DACH1: variants seen among roughly 807,000 people sequenced by gnomAD.
DACH1 encodes dachshund homolog 1.
Under a neutral mutation model 54.2 loss-of-function variants are expected in DACH1, and 12 were observed. The ratio of observed to expected loss-of-function variants is 0.22; its 90% CI spans 0.14 to 0.36. The LOEUF is 0.36. Ranked by LOEUF, DACH1 falls within the 10% of genes least tolerant of loss-of-function variation. The pLI is 1.00. For missense variants in DACH1, 805 were observed against 929.8 expected, an observed-to-expected ratio of 0.87 and a Z score of 1.75; for synonymous variants, 386 against 366.2, an observed-to-expected ratio of 1.05 and a Z score of -0.62.
At chr13:71,482,805 T>G (rs950172804) in intron 7 of DACH1, among the ~76,000 whole-genome samples, 8 of 148,360 alleles carry the variant, frequency 5.4e-5, no homozygotes, top group South Asian at 4.4e-4. Context: ...TTTTTTTTTT[T>G]TTTTTTTTTT....
chr13:71,614,853 CA>C (rs397978208), intron 3 of DACH1, among the ~76,000 whole-genome samples: 583 of 48,916 alleles, frequency 0.012, 3 homozygotes, highest in Middle Eastern at 0.048. Context: ...AACTCTATCT[CA>C]AAAAAAAAAA....
intron 1 of DACH1, among the ~76,000 whole-genome samples, chr13:71,739,611 C>T (rs1884298341): frequency 6.6e-6 from 1 of 152,080 alleles, no homozygotes; most frequent in Non-Finnish European, 1.5e-5. Context: ...TTCAGGTGCT[C>T]AAGAGCCACA....
chr13:71,462,913 CACAT>C (rs1290783595), intron 10 of DACH1, among the ~76,000 whole-genome samples: 3,434 of 18,214 alleles, frequency 0.19, 57 homozygotes, highest in Middle Eastern at 0.46. Flanking sequence ...CACACACACA[CACAT>C]AAACCATGAA....
intron 1 of DACH1, among the ~76,000 whole-genome samples, chr13:71,733,310 C>T (rs555201067): frequency 6.6e-6 from 1 of 152,042 alleles, no homozygotes; most frequent in Non-Finnish European, 1.5e-5. Context: ...TACAGGTGTG[C>T]GCCACTATGC....
chr13:71,640,571 T>G (rs539039048), intron 2 of DACH1, among the ~76,000 whole-genome samples: 1 of 152,200 alleles, frequency 6.6e-6, no homozygotes, highest in African/African-American at 2.4e-5. Context: ...ACTCTAATTT[T>G]CTTTTAAGCA....
intron 8 of DACH1, 41 bp downstream of exon 8, chr13:71,479,128 T>C: frequency 6.5e-7 from 1 of 1,545,308 alleles, no homozygotes; most frequent in Non-Finnish European, 8.8e-7. Context: ...ATGTTTAATA[T>C]TTTCTGTAAA....
At chr13:71,485,575 CTTTTTT>C (rs68024614) in intron 7 of DACH1, among the ~76,000 whole-genome samples, 2 of 46,150 alleles carry the variant, frequency 4.3e-5, no homozygotes, top group Non-Finnish European at 3.9e-5. Context: ...TTCTTTTCTT[CTTTTTT>C]TTTTTTTTTT....
At chr13:71,830,329 G>T (rs1023398553) in intron 1 of DACH1, among the ~76,000 whole-genome samples, 1 of 151,848 alleles carries the variant, frequency 6.6e-6, no homozygotes, top group African/African-American at 2.4e-5. Flanking sequence ...GCTTGAAGTT[G>T]CAGTGACACC....
intron 3 of DACH1, among the ~76,000 whole-genome samples, chr13:71,584,731 T>G (rs984472341): frequency 1.3e-4 from 20 of 152,108 alleles, no homozygotes; most frequent in Non-Finnish European, 1.6e-4. Flanking sequence ...TTAATAAAAT[T>G]TTAAATTTTA....
At chr13:71,560,014 C>A in intron 4 of DACH1, 59 bp from the exon 5 acceptor site, 4 of 1,418,492 alleles carry the variant, frequency 2.8e-6, no homozygotes, top group Non-Finnish European at 2.8e-6. Context: ...CGGATCTTTA[C>A]TTAATGAATG....
intron 3 of DACH1, among the ~76,000 whole-genome samples, chr13:71,617,996 G>T (rs1692055012): frequency 6.6e-6 from 1 of 152,074 alleles, no homozygotes; most frequent in African/African-American, 2.4e-5. Context: ...ATTTTAGCTG[G>T]CTGTGGAAGT....
chr13:71,825,422 G>A (rs902678917), intron 1 of DACH1, among the ~76,000 whole-genome samples: 1 of 151,964 alleles, frequency 6.6e-6, no homozygotes, highest in Admixed American at 6.6e-5. Context: ...TAATATGTTT[G>A]TTCCCCTTAA....
intron 1 of DACH1, among the ~76,000 whole-genome samples, chr13:71,720,050 G>C (rs1181084472): frequency 6.6e-6 from 1 of 152,142 alleles, no homozygotes; most frequent in African/African-American, 2.4e-5. Flanking sequence ...CTAAAATGCT[G>C]TCTTTAAATT....
intron 1 of DACH1, among the ~76,000 whole-genome samples, chr13:71,837,675 C>G (rs1343381311): frequency 1.3e-5 from 2 of 149,712 alleles, no homozygotes; most frequent in Non-Finnish European, 2.9e-5. Context: ...GGTATATACC[C>G]AAATGACTAT....
At chr13:71,524,459 A>G (rs887698773) in intron 6 of DACH1, among the ~76,000 whole-genome samples, 1 of 152,154 alleles carries the variant, frequency 6.6e-6, no homozygotes, top group African/African-American at 2.4e-5. Context: ...TTTGCATTAA[A>G]TGGGGCGAGA....
chr13:71,541,935 T>G (rs925724726), intron 6 of DACH1, among the ~76,000 whole-genome samples: 1 of 149,514 alleles, frequency 6.7e-6, no homozygotes, highest in Non-Finnish European at 1.5e-5. Flanking sequence ...GTTTTTTTTT[T>G]TTTTTTTTTT....
At chr13:71,511,996 G>A (rs958341524) in intron 6 of DACH1, among the ~76,000 whole-genome samples, 9 of 151,986 alleles carry the variant, frequency 5.9e-5, no homozygotes, top group Non-Finnish European at 1.2e-4. Flanking sequence ...AACTGTAACT[G>A]AGGTCCATTC....
At position 71,577,869 on chromosome 13, in the gene DACH1, C is replaced by T. The variant is rs368454174; in HGVS notation, c.1127-4857G>A. 3.2e-4 allele frequency among the ~76,000 whole-genome samples: 49 copies of T among 152,166 alleles called. No homozygotes were observed. The South Asian group carries it at 1.0e-2, about 31-fold the overall frequency. Reference sequence around the variant, plus strand: ...ACAATAACAATTTTGAGTGTGTGTACGCACGGCACCAATTATAGTCTTAGT... The same window carrying T: ...ACAATAACAATTTTGAGTGTGTGTATGCACGGCACCAATTATAGTCTTAGT... On this transcript the variant is annotated intron_variant, in intron 3 of 10. Transcript: ENST00000613252.
chr13:71,608,057 G>T (rs1011700982), intron 3 of DACH1, among the ~76,000 whole-genome samples: 1 of 143,000 alleles, frequency 7.0e-6, no homozygotes, highest in Non-Finnish European at 1.5e-5. Flanking sequence ...AGATTACAAT[G>T]TGTATATATA....
Sources: gnomAD v4.1 joint callset for allele counts (sites outside exome capture counted in the v4.1 genomes callset) on GRCh38, gnomAD v4.1.1 for gene constraint, MANE v1.5 for transcripts, NCBI Gene and HGNC (gene_info 2026-07-23, HGNC 2026-07-21) for gene names.